The following FMN2 variants were observed in gnomAD, a reference collection of about 807,000 sequenced individuals.
FMN2 encodes the protein formin 2.
In FMN2, 51 loss-of-function variants were observed where a neutral mutation model predicts 142.3. The ratio of observed to expected loss-of-function variants is 0.36; its 90% CI spans 0.29 to 0.45. FMN2 has a LOEUF of 0.45. Among genes scored for constraint, FMN2 ranks in the 20% least tolerant of loss-of-function variants. FMN2 has a pLI of 1.00. For synonymous variants in FMN2, 882 were observed against 869.8 expected, an observed-to-expected ratio of 1.01 and a Z score of -0.25; for missense variants, 1,936 against 2,122.8, an observed-to-expected ratio of 0.91 and a Z score of 1.73.
chr1:240,312,607 GT>G (rs1558427020), intron 8 of FMN2, among the ~76,000 whole-genome samples: 1 of 152,156 alleles, frequency 6.6e-6, no homozygotes, highest in African/African-American at 2.4e-5. Context: ...CCCTTGACAA[GT>G]TCTCTTAAAT....
At position 240,092,294 on chromosome 1, in the gene FMN2, G is replaced by T. The variant is rs1193024485; in HGVS notation, c.185G>T (p.Gly62Val). 1 of 1,592,042 alleles carries T rather than the reference G, an allele frequency of 6.3e-7. No individual in the cohort carries two copies. Among genetic ancestry groups the T allele is most frequent in the Non-Finnish European group, 8.6e-7 (1 of 1,167,516 alleles). The change falls in exon 1 of 18, where the codon GGC becomes GTC. Residue 62 changes from glycine to valine, a missense_variant. Physicochemically the swap from Gly to Val is moderately radical, Grantham distance 109 (BLOSUM62 -3). Coordinates refer to ENST00000319653, the MANE Select transcript of FMN2 (RefSeq NM_020066.5). Reference sequence around the variant, plus strand: ...GGCGGCGGCGGCGGCGGGGAGTCGGGCAAGAAGAAGAGCAAGTCCGACTCC... The same window carrying T: ...GGCGGCGGCGGCGGCGGGGAGTCGGTCAAGAAGAAGAGCAAGTCCGACTCC... Reference protein sequence around the residue: ...GGGGGGGGESGKKKSKSDSRA... With the variant: ...GGGGGGGGESVKKKSKSDSRA...
chr1:240,461,355 A>G (rs1676445512), intron 16 of FMN2, among the ~76,000 whole-genome samples: 1 of 152,058 alleles, frequency 6.6e-6, no homozygotes, highest in Admixed American at 6.6e-5. Context: ...TTTAAAGGAG[A>G]TGGTTATCTG....
Position 240,474,299 on chromosome 1 carries a change from C to G in FMN2, c.*145C>G, listed in dbSNP as rs770729265. ...ATCTTTTTGTTTTCTAGACAGTTCA[C>G]TAATTGTTGAATTTTACTGTATATT... On this transcript the variant is annotated 3_prime_UTR_variant, in exon 18 of 18. Coordinates refer to ENST00000319653, the MANE Select transcript of FMN2 (RefSeq NM_020066.5). 2.0e-5 allele frequency: 14 copies of G among 711,400 alleles called. No individual in the cohort carries two copies. In the East Asian group the frequency reaches 2.6e-4, roughly 13 times the overall value. The allele number at this position is 711,400 out of a possible 1,614,324, so 44.1% of individuals were successfully genotyped here. A position where few individuals can be genotyped will look rare whatever the true frequency, so the allele number is the denominator to read the frequency against.
rs530708963 is a variant in FMN2, at chr1:240,193,263, CCTA to C, written c.1986+5004_1986+5006del. ...TTGTCCTTTATTGAACATCTGCTGA[CCTA>C]CTGTGTGCAAGGTATTTGTGGTAGA... is the stretch of plus-strand genomic sequence containing the variant. On this transcript the variant is annotated intron_variant, in intron 4 of 17. Coordinates refer to ENST00000319653, the MANE Select transcript of FMN2 (RefSeq NM_020066.5). 2.0e-3 allele frequency among the ~76,000 whole-genome samples: 310 copies of C among 152,246 alleles called. 1 individual carries two copies. The highest frequency in any genetic ancestry group is 7.3e-3 in the African/African-American group (305 of 41,550).
intron 8 of FMN2, among the ~76,000 whole-genome samples, chr1:240,296,413 A>G (rs1282812263): frequency 1.8e-5 from 1 of 56,832 alleles, no homozygotes; most frequent in East Asian, 6.1e-4. Flanking sequence ...GTGTGGTCCT[A>G]TTTTGGGTCT....
chr1:240,417,628 G>A (rs10926249), intron 15 of FMN2, among the ~76,000 whole-genome samples: 81,891 of 151,136 alleles, frequency 0.54, 23,895 homozygotes, highest in Middle Eastern at 0.67. Flanking sequence ...TTTCTTTTAC[G>A]TGAGTCCTTT....
intron 1 of FMN2, among the ~76,000 whole-genome samples, chr1:240,116,990 A>T (rs1271977322): frequency 6.6e-6 from 1 of 151,426 alleles, no homozygotes; most frequent in African/African-American, 2.4e-5. Flanking sequence ...TTTTTTTTTT[A>T]AAGCATGTTT....
intron 7 of FMN2, among the ~76,000 whole-genome samples, chr1:240,264,317 G>A (rs189717647): frequency 4.1e-4 from 63 of 152,156 alleles, no homozygotes; most frequent in African/African-American, 1.4e-3. Flanking sequence ...TAATGTAGCA[G>A]GTACCAAAAA....
chr1:240,245,786 C>G (rs938231118), intron 6 of FMN2, among the ~76,000 whole-genome samples: 2 of 152,162 alleles, frequency 1.3e-5, no homozygotes, highest in Non-Finnish European at 1.5e-5. Flanking sequence ...TCCAGAGATT[C>G]ATTCCCCAGG....
rs1226996066 is a variant in FMN2, at chr1:240,322,665, A to G, written c.4216-6411A>G. Among the ~76,000 whole-genome samples, 3 of 152,128 alleles carry G rather than the reference A, an allele frequency of 2.0e-5. No homozygotes were observed. In the East Asian group the frequency reaches 5.8e-4, roughly 29 times the overall value. ...CAAGAAACAGTTCCCCCATGAAGTG[A>G]CTGAGCATGTATACGTAATGAGCCT... On this transcript the variant is annotated intron_variant, in intron 8 of 17. Transcript: ENST00000319653.
At chr1:240,224,882 G>A (rs1351809330) in intron 6 of FMN2, among the ~76,000 whole-genome samples, 4 of 152,144 alleles carry the variant, frequency 2.6e-5, no homozygotes, top group Non-Finnish European at 1.5e-5. Flanking sequence ...CATGCAGCAA[G>A]GAGTCAATCA....
intron 7 of FMN2, among the ~76,000 whole-genome samples, chr1:240,273,518 T>G (rs900126867): frequency 6.6e-6 from 1 of 152,148 alleles, no homozygotes; most frequent in Admixed American, 6.6e-5. Flanking sequence ...CATGATTTGT[T>G]TTTTTCCTGT....
At chr1:240,200,098 C>A (rs535584316) in intron 4 of FMN2, among the ~76,000 whole-genome samples, 1 of 152,190 alleles carries the variant, frequency 6.6e-6, no homozygotes, top group East Asian at 1.9e-4. Context: ...AGATTAAGTT[C>A]CAGGCGCTGG....
chr1:240,136,537 T>C (rs1034707186), intron 2 of FMN2, among the ~76,000 whole-genome samples: 1 of 152,200 alleles, frequency 6.6e-6, no homozygotes, highest in African/African-American at 2.4e-5. Flanking sequence ...CATTTTGACT[T>C]TCACAACTGG....
intron 6 of FMN2, among the ~76,000 whole-genome samples, chr1:240,239,497 T>C (rs542206760): frequency 1.3e-5 from 2 of 152,220 alleles, no homozygotes; most frequent in Non-Finnish European, 2.9e-5. Context: ...TTCCAAACTC[T>C]AGGAGGTCTT....
At chr1:240,143,930 A>T in intron 2 of FMN2, 1 of 1,506,292 alleles carries the variant, frequency 6.6e-7, no homozygotes, top group Non-Finnish European at 9.2e-7. Flanking sequence ...GCCTAGCCCA[A>T]AGATGGAACC....
intron 6 of FMN2, among the ~76,000 whole-genome samples, chr1:240,219,829 A>G (rs1401787847): frequency 6.6e-6 from 1 of 151,554 alleles, no homozygotes; most frequent in Non-Finnish European, 1.5e-5. Context: ...TAACTTTTTA[A>G]TTTTTATTTT....
At chr1:240,369,959 A>G (rs190211304) in intron 14 of FMN2, among the ~76,000 whole-genome samples, 3 of 152,200 alleles carry the variant, frequency 2.0e-5, no homozygotes, top group African/African-American at 7.2e-5. Context: ...CTTCCCCCAA[A>G]GCTACTGGTG....
chr1:240,282,664 A>G (rs1669438501), intron 7 of FMN2, among the ~76,000 whole-genome samples: 1 of 152,214 alleles, frequency 6.6e-6, no homozygotes, highest in Non-Finnish European at 1.5e-5. Flanking sequence ...TGCATACTCA[A>G]AGGCCCCAGG....
Sources: allele counts gnomAD v4.1 joint callset (sites outside exome capture counted in the v4.1 genomes callset), GRCh38; gene constraint gnomAD v4.1.1; transcripts MANE v1.5; gene names NCBI Gene and HGNC (gene_info 2026-07-23, HGNC 2026-07-21).